ETV6: variants seen among roughly 807,000 people sequenced by gnomAD.
ETV6 encodes ETS variant transcription factor 6, also known as transcription factor ETV6.
Under a neutral mutation model 51.1 loss-of-function variants are expected in ETV6, and 16 were observed. That is an observed-to-expected ratio of 0.31 (90% confidence interval 0.21 to 0.48). The LOEUF is 0.48. Among genes scored for constraint, ETV6 ranks in the 20% least tolerant of loss-of-function variants. ETV6 has a pLI of 0.99. For missense variants in ETV6, 458 were observed against 594.8 expected (o/e 0.77, Z 2.39); for synonymous variants, 240 against 224.1 (o/e 1.07, Z -0.64).
intron 1 of ETV6, among the ~76,000 whole-genome samples, chr12:11,689,953 C>G (rs1027045865): frequency 1.3e-5 from 2 of 151,756 alleles, no homozygotes; most frequent in African/African-American, 4.8e-5. Flanking sequence ...GATTTTCGTG[C>G]GCAAATACAG....
At position 11,798,858 on chromosome 12, in the gene ETV6, G is replaced by C. The variant is rs142620685; in HGVS notation, c.164-40282G>C. Among the ~76,000 whole-genome samples the C allele has an allele frequency of 1.1e-4, 16 of 152,240 alleles. No homozygotes were observed. The East Asian group carries it at 2.3e-3, about 22-fold the overall frequency. ...CTAGTATTTGTTTTCCTTGGAGATA[G>C]GAGTTAATTCAGTCACACTTTCTTC... is the stretch of plus-strand genomic sequence containing the variant. On this transcript the variant is annotated intron_variant, in intron 2 of 7. Coordinates refer to ENST00000396373, the MANE Select transcript of ETV6 (RefSeq NM_001987.5).
At chr12:11,863,225 A>C (rs888614648) in intron 4 of ETV6, among the ~76,000 whole-genome samples, 5 of 152,174 alleles carry the variant, frequency 3.3e-5, no homozygotes, top group African/African-American at 1.2e-4. Context: ...AGCATGGTTA[A>C]ATTGGGTCAA....
chr12:11,796,913 T>A (rs1945686853), intron 2 of ETV6, among the ~76,000 whole-genome samples: 2 of 152,046 alleles, frequency 1.3e-5, no homozygotes, highest in Non-Finnish European at 2.9e-5. Context: ...GAGCTTCCCA[T>A]GTATGTGGGA....
intron 2 of ETV6, among the ~76,000 whole-genome samples, chr12:11,816,278 G>A (rs753751547): frequency 1.3e-5 from 2 of 152,148 alleles, no homozygotes; most frequent in Non-Finnish European, 2.9e-5. Context: ...ACGGAGTCTC[G>A]CTGTCACCCA....
chr12:11,863,887 G>A lies in ETV6; in HGVS notation c.464-5537G>A, dbSNP rs190028324. 6.6e-5 allele frequency among the ~76,000 whole-genome samples: 10 copies of A among 152,324 alleles called. No homozygotes were observed. In the East Asian group the frequency reaches 1.7e-3, roughly 26 times the overall value. ...CAAAGCTTGCAGGGTCTCATTGCAGGCCTCTCAGCCTTGACAGTGGTTGTG... is the reference window on the plus strand; with the variant it reads ...CAAAGCTTGCAGGGTCTCATTGCAGACCTCTCAGCCTTGACAGTGGTTGTG... On this transcript the variant is annotated intron_variant, in intron 4 of 7. Transcript: ENST00000396373.
At chr12:11,776,086 T>G (rs1478146984) in intron 2 of ETV6, among the ~76,000 whole-genome samples, 1 of 152,186 alleles carries the variant, frequency 6.6e-6, no homozygotes, top group Non-Finnish European at 1.5e-5. Flanking sequence ...GCAGTGGCAT[T>G]TCAAGATTTA....
chr12:11,786,163 T>C (rs1945480168), intron 2 of ETV6, among the ~76,000 whole-genome samples: 1 of 152,166 alleles, frequency 6.6e-6, no homozygotes, highest in Non-Finnish European at 1.5e-5. Flanking sequence ...CCAGGCCTTA[T>C]GCATTGACCA....
intron 1 of ETV6, among the ~76,000 whole-genome samples, chr12:11,711,887 G>A (rs553417802): frequency 1.3e-5 from 2 of 152,308 alleles, no homozygotes; most frequent in South Asian, 4.1e-4. Flanking sequence ...CCCCCCGTGG[G>A]TGGAATTGCA....
At chr12:11,735,162 G>A (rs1261195650) in intron 1 of ETV6, among the ~76,000 whole-genome samples, 2 of 118,138 alleles carry the variant, frequency 1.7e-5, no homozygotes, top group Non-Finnish European at 3.2e-5. Context: ...ACTTCCCTGT[G>A]TACCAGGGTT....
In ETV6 at chr12:11,894,343, A is replaced by G. The variant is rs2156932; in HGVS notation, c.*3297A>G. The G allele has an allele frequency of 0.12, 27,910 of 232,888 alleles. 1,953 individuals are homozygous for G. Among genetic ancestry groups the G allele is most frequent in the African/African-American group, 0.2 (9,270 of 45,364 alleles). 14.4% of individuals were successfully genotyped at this position (232,888 alleles called of 1,614,324 possible). A position where few individuals can be genotyped will look rare whatever the true frequency, so the allele number is the denominator to read the frequency against. On this transcript the variant is annotated 3_prime_UTR_variant, in exon 8 of 8. Coordinates refer to ENST00000396373, the MANE Select transcript of ETV6 (RefSeq NM_001987.5). ...CTCATTCCTACATCTCAAGCTAGCC[A>G]GGCAGTCTCCTCTCTATCAGAAGAA... is the stretch of plus-strand genomic sequence containing the variant.
intron 1 of ETV6, among the ~76,000 whole-genome samples, chr12:11,750,255 A>G (rs1181946592): frequency 6.6e-6 from 1 of 152,266 alleles, no homozygotes; most frequent in African/African-American, 2.4e-5. Flanking sequence ...ATGATAATTT[A>G]GTAAATTACA....
At chr12:11,705,095 G>A (rs181986071) in intron 1 of ETV6, among the ~76,000 whole-genome samples, 48 of 152,322 alleles carry the variant, frequency 3.2e-4, no homozygotes, top group Admixed American at 1.3e-3. Flanking sequence ...CAGGATGAGC[G>A]TGTCTAGAGA....
At chr12:11,709,702 A>G (rs1039721498) in intron 1 of ETV6, among the ~76,000 whole-genome samples, 1 of 152,246 alleles carries the variant, frequency 6.6e-6, no homozygotes, top group African/African-American at 2.4e-5. Flanking sequence ...GTGGACTTTG[A>G]GTAAAGCACA....
intron 1 of ETV6, among the ~76,000 whole-genome samples, chr12:11,741,283 A>G (rs1865804095): frequency 6.6e-6 from 1 of 152,194 alleles, no homozygotes; most frequent in Non-Finnish European, 1.5e-5. Context: ...ATGTGGGATC[A>G]TTCCCCTCAC....
intron 4 of ETV6, among the ~76,000 whole-genome samples, chr12:11,856,823 A>T (rs1818089824): frequency 1.3e-5 from 2 of 152,382 alleles, no homozygotes; most frequent in Middle Eastern, 3.4e-3. Context: ...TTCTGAAAAA[A>T]AAATCTGTCA....
At chr12:11,764,927 C>A (rs1300219833) in intron 2 of ETV6, among the ~76,000 whole-genome samples, 1 of 152,134 alleles carries the variant, frequency 6.6e-6, no homozygotes, top group Non-Finnish European at 1.5e-5. Flanking sequence ...GGAACTTGAC[C>A]AGAGTCACAG....
At chr12:11,844,686 G>T (rs16907395) in intron 3 of ETV6, among the ~76,000 whole-genome samples, 12,540 of 151,434 alleles carry the variant, frequency 0.083, 526 homozygotes, top group Non-Finnish European at 0.089. Flanking sequence ...TGAAATGTGG[G>T]AGTTGTAGCA....
intron 2 of ETV6, among the ~76,000 whole-genome samples, chr12:11,792,913 G>GT (rs1456178534): frequency 1.3e-5 from 2 of 152,000 alleles, no homozygotes; most frequent in African/African-American, 4.8e-5. Context: ...GCAACTTCTT[G>GT]TTTAACTAGA....
intron 1 of ETV6, among the ~76,000 whole-genome samples, chr12:11,663,717 A>G (rs554386321): frequency 6.6e-6 from 1 of 151,960 alleles, no homozygotes; most frequent in Non-Finnish European, 1.5e-5. Flanking sequence ...CATATTGTAC[A>G]TTTGAGATAG....
Sources: allele counts gnomAD v4.1 joint callset (sites outside exome capture counted in the v4.1 genomes callset), GRCh38; gene constraint gnomAD v4.1.1; transcripts MANE v1.5; gene names NCBI Gene and HGNC (gene_info 2026-07-23, HGNC 2026-07-21).